NFX1: variants seen among roughly 807,000 people sequenced by gnomAD.
The protein encoded by NFX1 is transcriptional repressor NF-X1.
Under a neutral mutation model 137.2 loss-of-function variants are expected in NFX1, and 69 were observed. That is an observed-to-expected ratio of 0.50 (90% CI 0.41 to 0.61). NFX1 has a LOEUF of 0.61. Ranked by LOEUF, NFX1 falls within the 20% of genes least tolerant of loss-of-function variation. The probability of loss-of-function intolerance (pLI) is 0.00; values close to 1 mark genes in which losing one functional copy is unlikely to be tolerated. For missense variants in NFX1, 1,167 were observed against 1,391.0 expected (o/e 0.84, Z 2.56); for synonymous variants, 495 against 474.1 (o/e 1.04, Z -0.57).
In NFX1 at chr9:33,344,175, G is replaced by A. The variant is rs778040594; in HGVS notation, c.2331G>A (p.Glu777=). 1 of 1,613,984 alleles carries A rather than the reference G, an allele frequency of 6.2e-7. No individual in the cohort carries two copies. The highest frequency in any genetic ancestry group is 1.1e-5 in the South Asian group (1 of 91,072). The part of the protein sequence containing the change: ...ECTQTCARVH[E]CDHPVYHSCH... ...CCCAAACCTGCGCTAGAGTCCATGA[G>A]TGTGACCATCCAGGTGAGTACCAAC... is the stretch of plus-strand genomic sequence containing the variant. Residue 777 remains glutamate (E), a synonymous_variant, in exon 14 of 24, where the codon GAG becomes GAA. Coordinates refer to ENST00000379540, the MANE Select transcript of NFX1 (RefSeq NM_002504.6).
intron 19 of NFX1, among the ~76,000 whole-genome samples, chr9:33,358,497 G>C (rs889428046): frequency 1.3e-5 from 2 of 151,236 alleles, no homozygotes; most frequent in Non-Finnish European, 2.9e-5. Context: ...TTTTGACCAG[G>C]TTGACATCCT....
At chr9:33,321,984 T>G (rs1270162002) in intron 9 of NFX1, among the ~76,000 whole-genome samples, 3 of 151,946 alleles carry the variant, frequency 2.0e-5, no homozygotes, top group Admixed American at 1.3e-4. Flanking sequence ...GCAGATCACT[T>G]GAGGTCAGGA....
chr9:33,291,291 A>C (rs1821151357), intron 1 of NFX1, among the ~76,000 whole-genome samples: 1 of 152,210 alleles, frequency 6.6e-6, no homozygotes, highest in Admixed American at 6.5e-5. Flanking sequence ...TTGCATCGCG[A>C]CCTTAAATAT....
Position 33,342,780 on chromosome 9 carries a change from G to A in NFX1, c.2150G>A (p.Arg717Lys). 1 of 1,613,718 alleles carries A rather than the reference G, an allele frequency of 6.2e-7. No individual in the cohort carries two copies. Among genetic ancestry groups the A allele is most frequent in the South Asian group, 1.1e-5 (1 of 90,924 alleles). The change falls in exon 13 of 24, where the codon AGG (arginine) becomes AAG (lysine). Residue 717 changes from arginine (R) to lysine (K), a missense_variant. Transcript: ENST00000379540. ...KEHKCPLICG[R>K]KLRCGLHRCE... ...CACAAGTGTCCTTTGATTTGTGGGAGGAAACTCCGTTGTGGCCTTCATAGG... is the reference window on the plus strand; with the variant it reads ...CACAAGTGTCCTTTGATTTGTGGGAAGAAACTCCGTTGTGGCCTTCATAGG...
At chr9:33,369,282 C>T (rs1824259871) in intron 23 of NFX1, among the ~76,000 whole-genome samples, 1 of 152,078 alleles carries the variant, frequency 6.6e-6, no homozygotes, top group African/African-American at 2.4e-5. Context: ...TTAGGATGGT[C>T]TCAATCTCCT....
intron 11 of NFX1, among the ~76,000 whole-genome samples, chr9:33,336,865 G>C (rs1301327625): frequency 1.3e-5 from 2 of 152,176 alleles, no homozygotes; most frequent in Non-Finnish European, 2.9e-5. Context: ...ACTTTGGGAG[G>C]CCAAGGCAGG....
intron 19 of NFX1, among the ~76,000 whole-genome samples, chr9:33,363,192 A>G (rs1309345772): frequency 2.0e-5 from 3 of 151,842 alleles, no homozygotes; most frequent in Non-Finnish European, 4.4e-5. Flanking sequence ...GTACCGAGAC[A>G]TCAACATCAA....
chr9:33,361,089 A>G (rs1823971919), intron 19 of NFX1, among the ~76,000 whole-genome samples: 1 of 152,212 alleles, frequency 6.6e-6, no homozygotes, highest in African/African-American at 2.4e-5. Context: ...AACTGGAAAC[A>G]TTTTCAAAGC....
rs780351763 is a variant in NFX1, at chr9:33,351,574, C to G, written c.2439C>G (p.Ile813Met). Reference sequence around the variant, plus strand: ...GTCTCTCCTAGTTTCGGAGCAACATCCCCTGTCACCTGGTTGATATCTCTT... The same window carrying G: ...GTCTCTCCTAGTTTCGGAGCAACATGCCCTGTCACCTGGTTGATATCTCTT... ...CMGKHEFRSN[I>M]PCHLVDISCG... The change falls in exon 16 of 24, where the codon ATC (isoleucine) becomes ATG (methionine). Residue 813 changes from isoleucine (I) to methionine (M), a missense_variant. By Grantham distance (10) the Ile-to-Met change is conservative. Transcript: ENST00000379540. 6.2e-7 allele frequency: 1 copy of G among 1,614,222 alleles called. No individual in the cohort carries two copies. Among genetic ancestry groups the G allele is most frequent in the South Asian group, 1.1e-5 (1 of 91,090 alleles).
intron 19 of NFX1, among the ~76,000 whole-genome samples, chr9:33,362,135 A>G (rs2118686155): frequency 6.6e-6 from 1 of 152,102 alleles, no homozygotes; most frequent in Non-Finnish European, 1.5e-5. Flanking sequence ...AAAAAAAAAA[A>G]AACAATTAGA....
intron 20 of NFX1, among the ~76,000 whole-genome samples, 174 bp from the exon 21 acceptor site, chr9:33,364,534 A>G (rs1824112745): frequency 6.6e-6 from 1 of 151,614 alleles, no homozygotes; most frequent in South Asian, 2.1e-4. Context: ...CATTTCTTAT[A>G]TTTTTCTCTT....
Position 33,351,749 on chromosome 9 carries a change from C to T in NFX1, c.2614C>T (p.His872Tyr), listed in dbSNP as rs1431235716. The T allele has an allele frequency of 6.2e-7, 1 of 1,607,774 alleles. No homozygotes were observed. Residue 872 changes from histidine (H) to tyrosine (Y), a missense_variant, in exon 16 of 24, where the codon CAT becomes TAT. By Grantham distance (83) the His-to-Tyr change is moderately conservative (BLOSUM62 2). Around this residue, in one of 3 missense-constraint regions of NFX1, gnomAD observed 312 missense variants for 312.8 expected, o/e 1.00. Transcript: ENST00000379540. Reference protein sequence around the residue: ...DCGHPCMAPCHTSSPCPVTAC... With the variant: ...DCGHPCMAPCYTSSPCPVTAC... ...TGGTCACCCGTGTATGGCACCCTGCCATACCAGCTCACCCTGCCCTGTGAC... is the reference window on the plus strand; with the variant it reads ...TGGTCACCCGTGTATGGCACCCTGCTATACCAGCTCACCCTGCCCTGTGAC...
chr9:33,317,930 C>G (rs927435531), intron 7 of NFX1, among the ~76,000 whole-genome samples: 1 of 115,380 alleles, frequency 8.7e-6, no homozygotes, highest in Non-Finnish European at 1.6e-5. Context: ...GAGCCAAGAT[C>G]ATGCCATTGC....
At chr9:33,335,416 A>G (rs1452887189) in intron 11 of NFX1, among the ~76,000 whole-genome samples, 1 of 151,790 alleles carries the variant, frequency 6.6e-6, no homozygotes, top group Non-Finnish European at 1.5e-5. Context: ...TATTTTTAGT[A>G]GAGACGGGGT....
chr9:33,353,987 G>A, intron 17 of NFX1, 99 bp from the exon 18 acceptor site: 1 of 1,106,600 alleles, frequency 9.0e-7, no homozygotes. Flanking sequence ...ACCACACCTG[G>A]CCTAGATTTG....
At chr9:33,363,385 A>G (rs1824071726) in intron 19 of NFX1, among the ~76,000 whole-genome samples, 1 of 151,618 alleles carries the variant, frequency 6.6e-6, no homozygotes, top group African/African-American at 2.4e-5. Context: ...CCTGAGTTCA[A>G]GTGATTCTCA....
chr9:33,302,177 A>G (rs1474380768), intron 3 of NFX1, among the ~76,000 whole-genome samples: 2 of 152,170 alleles, frequency 1.3e-5, no homozygotes, highest in African/African-American at 2.4e-5. Context: ...CAAGCGTACA[A>G]TGTGTAATGA....
chr9:33,363,406 T>G (rs1295833274), intron 19 of NFX1, among the ~76,000 whole-genome samples: 2 of 151,776 alleles, frequency 1.3e-5, no homozygotes, highest in African/African-American at 2.4e-5. Flanking sequence ...TGCCTCAGCC[T>G]CCTAGCAGCT....
chr9:33,362,857 C>T (rs1824044651), intron 19 of NFX1, among the ~76,000 whole-genome samples: 1 of 151,902 alleles, frequency 6.6e-6, no homozygotes, highest in Non-Finnish European at 1.5e-5. Flanking sequence ...GCATGCACAA[C>T]CACACCTGAC....
Sources: gnomAD v4.1 joint callset for allele counts (sites outside exome capture counted in the v4.1 genomes callset) on GRCh38, gnomAD v4.1.1 for gene constraint, gnomAD v4.1.1 regional missense constraint, MANE v1.5 for transcripts, NCBI Gene and HGNC (gene_info 2026-07-23, HGNC 2026-07-21) for gene names.